RBIS: variants seen among roughly 807,000 people sequenced by gnomAD.
RBIS encodes the protein ribosomal biogenesis factor, also known as ribosome biogenesis factor identified in screen.
Under a neutral mutation model 9.8 loss-of-function variants are expected in RBIS, and 9 were observed. That is an observed-to-expected ratio of 0.92 (90% CI 0.56 to 1.61). The LOEUF is 1.61. RBIS is among the 40% of genes most tolerant of loss of function. The pLI, the probability that RBIS is intolerant of heterozygous loss-of-function variation, is 0.00. For missense variants in RBIS, 103 were observed against 116.0 expected (o/e 0.89, Z 0.51); for synonymous variants, 35 against 37.9 (o/e 0.92, Z 0.28).
At chr8:85,217,638 A>T (rs1483122228) in intron 1 of RBIS, 136 bp from the exon 2 acceptor site, 1 of 630,356 alleles carries the variant, frequency 1.6e-6, no homozygotes, top group East Asian at 2.7e-5. Context: ...TGCATATATT[A>T]TTTCCAAGTC....
chr8:85,218,935 A>G (rs1429363069), intron 1 of RBIS: 1 of 152,194 alleles, frequency 6.6e-6, no homozygotes, highest in African/African-American at 2.4e-5. Context: ...ATGACCCACA[A>G]AGTCCAAAAT....
Position 85,217,375 on chromosome 8 carries a change from CT to C in RBIS, c.114+10del. On this transcript the variant is annotated intron_variant, in intron 2 of 3. Coordinates refer to ENST00000619594, the MANE Select transcript of RBIS (RefSeq NM_001099673.3). ...TAAACAATAAAGTCAGAGTGCTTAA[CT>C]AATACTCACCTTCTTAAGATTAGTG... is the stretch of plus-strand genomic sequence containing the variant. 2 of 1,463,154 alleles carry C rather than the reference CT, an allele frequency of 1.4e-6. No individual in the cohort carries two copies. The highest frequency in any genetic ancestry group is 1.9e-6 in the Non-Finnish European group (2 of 1,042,778). 90.6% of individuals were successfully genotyped at this position (1,463,154 alleles called of 1,614,324 possible). A position where few individuals can be genotyped will look rare whatever the true frequency, so the allele number is the denominator to read the frequency against.
At chr8:85,217,354 CAAT>C in intron 2 of RBIS, 29 bp downstream of exon 2, 1 of 1,241,018 alleles carries the variant, frequency 8.1e-7, no homozygotes, top group Non-Finnish European at 1.2e-6. Context: ...TGCTTGTAAA[CAAT>C]AAAGTCAGAG....
Position 85,214,952 on chromosome 8 carries a change from CT to C in RBIS, c.199del (p.Ser67AlafsTer11). 1 of 1,592,332 alleles carries C rather than the reference CT, an allele frequency of 6.3e-7. No individual in the cohort carries two copies. Among genetic ancestry groups the C allele is most frequent in the Non-Finnish European group, 8.6e-7 (1 of 1,167,664 alleles). ...VQKELAHFAK[S>X]ISLEPLQKEL... ...TTTCTGCAGAGGTTCAAGTGAAATG[CT>C]TTTTGCGAAATGTGCAAGTTCCTTT... On this transcript the variant is annotated frameshift_variant, in exon 3 of 4. Coordinates refer to ENST00000619594, the MANE Select transcript of RBIS (RefSeq NM_001099673.3). LOFTEE classifies it high-confidence loss of function.
At chr8:85,220,204 C>A (rs888005830) in intron 1 of RBIS, 102 bp downstream of exon 1, 3 of 152,244 alleles carry the variant, frequency 2.0e-5, no homozygotes, top group Non-Finnish European at 2.9e-5. Flanking sequence ...GCGACGGAAC[C>A]GAGCCTACAG....
At position 85,214,911 on chromosome 8, in the gene RBIS, T is replaced by C; in HGVS notation, c.231+10A>G. 1 of 1,429,722 alleles carries C rather than the reference T, an allele frequency of 7.0e-7. No individual in the cohort carries two copies. 88.6% of individuals were successfully genotyped at this position (1,429,722 alleles called of 1,614,324 possible). A position where few individuals can be genotyped will look rare whatever the true frequency, so the allele number is the denominator to read the frequency against. Reference sequence around the variant, plus strand: ...TTAGCCATAAAAAAAAGCAAATGATTTCTGCTTACCAGTTCTTTCTGCAGA... The same window carrying C: ...TTAGCCATAAAAAAAAGCAAATGATCTCTGCTTACCAGTTCTTTCTGCAGA... On this transcript the variant is annotated intron_variant, in intron 3 of 3. Transcript: ENST00000619594.
In RBIS at chr8:85,214,273, CCAAA is replaced by C. The variant is rs1461393700; in HGVS notation, c.*283_*286del. On this transcript the variant is annotated 3_prime_UTR_variant, in exon 4 of 4. Coordinates refer to ENST00000619594, the MANE Select transcript of RBIS (RefSeq NM_001099673.3). Reference sequence around the variant, plus strand: ...CCTGTATTTCTGTATGTCCTTCTATCCAAACAGACGTTCACTGCCACTTGTAAAG... The same window carrying C: ...CCTGTATTTCTGTATGTCCTTCTATCCAGACGTTCACTGCCACTTGTAAAG... The C allele has an allele frequency of 1.8e-6, 1 of 567,446 alleles. No individual in the cohort carries two copies. The highest frequency in any genetic ancestry group is 3.3e-6 in the Non-Finnish European group (1 of 306,742). 35.2% of individuals were successfully genotyped at this position (567,446 alleles called of 1,614,324 possible).
intron 1 of RBIS, 23 bp from the exon 2 acceptor site, chr8:85,217,525 T>C (rs1813201878): frequency 1.7e-5 from 24 of 1,430,482 alleles, no homozygotes; most frequent in Non-Finnish European, 2.4e-5. Context: ...ATAAATTCAA[T>C]TAAATTGCCC....
rs774418869 is a variant in RBIS at position 85,214,939 on chromosome 8, T to G, written c.213A>C (p.Glu71Asp). The G allele has an allele frequency of 3.4e-5, 53 of 1,578,092 alleles. No individual in the cohort carries two copies. The highest frequency in any genetic ancestry group is 4.4e-5 in the Non-Finnish European group (51 of 1,154,976). The change falls in exon 3 of 4, where the codon GAA becomes GAC. Residue 71 changes from glutamate (E) to aspartate (D), a missense_variant. Coordinates refer to ENST00000619594, the MANE Select transcript of RBIS (RefSeq NM_001099673.3). ...TGCTTACCAGTTCTTTCTGCAGAGG[T>G]TCAAGTGAAATGCTTTTTGCGAAAT... is the stretch of plus-strand genomic sequence containing the variant. Reference protein sequence around the residue: ...LAHFAKSISLEPLQKELIPQQ... With the variant: ...LAHFAKSISLDPLQKELIPQQ...
At chr8:85,215,698 C>G (rs1813120609) in intron 2 of RBIS, 1 of 152,308 alleles carries the variant, frequency 6.6e-6, no homozygotes, top group South Asian at 2.1e-4. Context: ...CCCTCTGCAC[C>G]TCTTCCATCT....
chr8:85,219,577 C>T (rs144529567), intron 1 of RBIS, among the ~76,000 whole-genome samples: 32 of 152,160 alleles, frequency 2.1e-4, no homozygotes, highest in Middle Eastern at 6.8e-3. Context: ...TGATGAAACC[C>T]CGTTTCCACT....
In RBIS at chr8:85,217,373, A is replaced by G; in HGVS notation, c.114+13T>C. Reference sequence around the variant, plus strand: ...TGTAAACAATAAAGTCAGAGTGCTTAACTAATACTCACCTTCTTAAGATTA... The same window carrying G: ...TGTAAACAATAAAGTCAGAGTGCTTGACTAATACTCACCTTCTTAAGATTA... On this transcript the variant is annotated intron_variant, in intron 2 of 3. Transcript: ENST00000619594. 1 of 1,431,974 alleles carries G rather than the reference A, an allele frequency of 7.0e-7. No homozygotes were observed. Among genetic ancestry groups the G allele is most frequent in the South Asian group, 1.1e-5 (1 of 87,296 alleles). 88.7% of individuals were successfully genotyped at this position (1,431,974 alleles called of 1,614,324 possible).
Position 85,214,920 on chromosome 8 carries a change from C to A in RBIS, c.231+1G>T, listed in dbSNP as rs201945771. 4.6e-5 allele frequency: 68 copies of A among 1,488,062 alleles called. No homozygotes were observed. The highest frequency in any genetic ancestry group is 5.6e-5 in the Non-Finnish European group (61 of 1,081,998). The allele number at this position is 1,488,062 out of a possible 1,614,324, so 92.2% of individuals were successfully genotyped here. A position where few individuals can be genotyped will look rare whatever the true frequency, so the allele number is the denominator to read the frequency against. Reference sequence around the variant, plus strand: ...AAAAAAAGCAAATGATTTCTGCTTACCAGTTCTTTCTGCAGAGGTTCAAGT... The same window carrying A: ...AAAAAAAGCAAATGATTTCTGCTTAACAGTTCTTTCTGCAGAGGTTCAAGT... On this transcript the variant is annotated splice_donor_variant, in intron 3 of 3. Transcript: ENST00000619594. LOFTEE classifies it high-confidence loss of function.
chr8:85,219,590 A>G (rs771618424), intron 1 of RBIS, among the ~76,000 whole-genome samples: 1 of 151,946 alleles, frequency 6.6e-6, no homozygotes, highest in Non-Finnish European at 1.5e-5. Context: ...TTTCCACTAA[A>G]AAAAATTAAA....
Position 85,214,641 on chromosome 8 carries a change from G to GA in RBIS, c.232-11dup, listed in dbSNP as rs1348160147. 2.7e-6 allele frequency: 4 copies of GA among 1,490,288 alleles called. No homozygotes were observed. In the African/African-American group the frequency reaches 4.2e-5, roughly 15 times the overall value. The allele number at this position is 1,490,288 out of a possible 1,614,324, so 92.3% of individuals were successfully genotyped here. A position where few individuals can be genotyped will look rare whatever the true frequency, so the allele number is the denominator to read the frequency against. ...GACGCTGCTGAGGAATCTGAAAGGA[G>GA]AAAGTATTATATTTAAAAACACAGA... On this transcript the variant is annotated splice_polypyrimidine_tract_variant and intron_variant, in intron 3 of 3. Coordinates refer to ENST00000619594, the MANE Select transcript of RBIS (RefSeq NM_001099673.3).
chr8:85,217,505 A>G lies in RBIS; in HGVS notation c.-3-3T>C, dbSNP rs754171727. The stretch of plus-strand genomic sequence containing the variant: ...CTTAATTTGTTCTTGGCCATTGTCT[A>G]GAAAAGAAAATAAATTCAATTAAAT... On this transcript the variant is annotated splice_polypyrimidine_tract_variant and splice_region_variant and intron_variant, in intron 1 of 3. Transcript: ENST00000619594. 6.4e-7 allele frequency: 1 copy of G among 1,572,568 alleles called. No homozygotes were observed. The highest frequency in any genetic ancestry group is 8.7e-7 in the Non-Finnish European group (1 of 1,145,928).
At chr8:85,214,727 T>A in intron 3 of RBIS, 96 bp from the exon 4 acceptor site, 3 of 869,448 alleles carry the variant, frequency 3.5e-6, no homozygotes, top group Non-Finnish European at 5.8e-6. Flanking sequence ...TCTAGTCATA[T>A]CTTTGGAAGT....
At position 85,215,044 on chromosome 8, in the gene RBIS, A is replaced by C. The variant is rs868334273; in HGVS notation, c.115-7T>G. ...CCTCATTCATAATGTTTATCTTTTAAAAAGAAAAAAAGCATTAATCTATGA... is the reference window on the plus strand; with the variant it reads ...CCTCATTCATAATGTTTATCTTTTACAAAGAAAAAAAGCATTAATCTATGA... On this transcript the variant is annotated splice_polypyrimidine_tract_variant and splice_region_variant and intron_variant, in intron 2 of 3. Coordinates refer to ENST00000619594, the MANE Select transcript of RBIS (RefSeq NM_001099673.3). The C allele has an allele frequency of 4.4e-6, 5 of 1,131,342 alleles. No individual in the cohort carries two copies. In the Middle Eastern group the frequency reaches 8.5e-4, roughly 193 times the overall value. 70.1% of individuals were successfully genotyped at this position (1,131,342 alleles called of 1,614,324 possible).
chr8:85,216,974 T>G, intron 2 of RBIS: 1 of 251,068 alleles, frequency 4.0e-6, no homozygotes, highest in Non-Finnish European at 7.4e-6. Context: ...TTGTTTGAAT[T>G]GCAGATGTCT....
Sources: allele counts gnomAD v4.1 joint callset (sites outside exome capture counted in the v4.1 genomes callset), GRCh38; gene constraint gnomAD v4.1.1; transcripts MANE v1.5; gene names NCBI Gene and HGNC (gene_info 2026-07-23, HGNC 2026-07-21).